The following NLRP3 variants were observed in gnomAD, a reference collection of about 807,000 sequenced individuals.
NLRP3 encodes the protein NLR family pyrin domain containing 3.
A neutral mutation model predicts 91.3 loss-of-function variants in NLRP3; 48 were observed. That is an observed-to-expected ratio of 0.53 (90% CI 0.42 to 0.67). The LOEUF (loss-of-function observed/expected upper bound fraction) is 0.67. Ranked by LOEUF, NLRP3 falls within the 30% of genes least tolerant of loss-of-function variation. The pLI, the probability that NLRP3 is intolerant of heterozygous loss-of-function variation, is 0.00. For synonymous variants in NLRP3, 561 were observed against 507.9 expected (o/e 1.10, Z -1.41); for missense variants, 982 against 1,276.9 (o/e 0.77, Z 3.52).
rs1203102017 is a variant in NLRP3, at chr1:247,418,169, C to T, written c.-632C>T. ...AAGATGGCATCGTGAAGTGGTTGTT[C>T]ACCGTAAACTGTAATACAATCCTGT... On this transcript the variant is annotated 5_prime_UTR_variant, in exon 2 of 10. Coordinates refer to ENST00000336119, the MANE Select transcript of NLRP3 (RefSeq NM_001243133.2). 6.5e-6 allele frequency: 1 copy of T among 154,442 alleles called. No homozygotes were observed. The highest frequency in any genetic ancestry group is 1.9e-4 in the East Asian group (1 of 5,378). 9.6% of individuals were successfully genotyped at this position (154,442 alleles called of 1,614,324 possible). A position where few individuals can be genotyped will look rare whatever the true frequency, so the allele number is the denominator to read the frequency against.
In NLRP3 at chr1:247,444,179, T is replaced by C. The variant is rs1664438506; in HGVS notation, c.2834+37T>C. 2.5e-6 allele frequency: 4 copies of C among 1,611,032 alleles called. No homozygotes were observed. The highest frequency in any genetic ancestry group is 3.4e-6 in the Non-Finnish European group (4 of 1,177,160). On this transcript the variant is annotated intron_variant, in intron 8 of 9. Transcript: ENST00000336119. ...GGTTTATTACAGCAATGAGAACACATGGTGGCCAAGGGTGGAGGGACGTTT... is the reference window on the plus strand; with the variant it reads ...GGTTTATTACAGCAATGAGAACACACGGTGGCCAAGGGTGGAGGGACGTTT...
At chr1:247,446,757 T>A (rs1664612989) in intron 9 of NLRP3, among the ~76,000 whole-genome samples, 1 of 152,248 alleles carries the variant, frequency 6.6e-6, no homozygotes, top group African/African-American at 2.4e-5. Context: ...TTATTTATTA[T>A]CTATCTCTGC....
rs199475735 is a variant in NLRP3 at position 247,435,963 on chromosome 1, A to G, written c.2493-7A>G. On this transcript the variant is annotated splice_region_variant and splice_polypyrimidine_tract_variant and intron_variant, in intron 6 of 9. Transcript: ENST00000336119. ...ACATGACTGACATTCTGCCATCTCT[A>G]TGGAAGGTTGGTCAGCTGCTGCCTC... The G allele has an allele frequency of 7.4e-6, 12 of 1,613,530 alleles. No individual in the cohort carries two copies. Among genetic ancestry groups the G allele is most frequent in the Admixed American group, 3.3e-5 (2 of 59,998 alleles).
intron 1 of NLRP3, among the ~76,000 whole-genome samples, chr1:247,416,447 A>G (rs72553860): frequency 0.21 from 32,041 of 152,124 alleles, 3,657 homozygotes; most frequent in East Asian, 0.3. Context: ...TACACCCACG[A>G]CTTCAGCAGA....
intron 7 of NLRP3, among the ~76,000 whole-genome samples, chr1:247,442,104 C>T (rs1416672396): frequency 6.6e-6 from 1 of 152,222 alleles, no homozygotes; most frequent in Non-Finnish European, 1.5e-5. Context: ...CCACTCAAAA[C>T]TTGCTTTGTT....
At chr1:247,443,244 T>A (rs2103227495) in intron 7 of NLRP3, among the ~76,000 whole-genome samples, 1 of 152,220 alleles carries the variant, frequency 6.6e-6, no homozygotes, top group Non-Finnish European at 1.5e-5. Flanking sequence ...TTTATTTATT[T>A]ATTTAGGCAG....
At chr1:247,434,575 T>A (rs952011119) in intron 6 of NLRP3, among the ~76,000 whole-genome samples, 6 of 151,862 alleles carry the variant, frequency 4.0e-5, no homozygotes, top group Non-Finnish European at 7.4e-5. Context: ...TTTAGAGGAG[T>A]TTTAGAACTT....
chr1:247,433,210 AAAAAGAAAAGAAAAG>A (rs1027398308), intron 5 of NLRP3, among the ~76,000 whole-genome samples: 1 of 151,846 alleles, frequency 6.6e-6, no homozygotes, highest in Non-Finnish European at 1.5e-5. Flanking sequence ...CTGTCTTTAA[AAAAAGAAAAGAAAAG>A]AAAAGAAAAA....
intron 5 of NLRP3, among the ~76,000 whole-genome samples, chr1:247,430,373 A>T (rs771243254): frequency 1.3e-5 from 2 of 152,180 alleles, no homozygotes; most frequent in Non-Finnish European, 2.9e-5. Flanking sequence ...TGGGGGGAAG[A>T]GTGGCCTAGT....
chr1:247,446,542 T>C (rs187586779), intron 9 of NLRP3, among the ~76,000 whole-genome samples: 35 of 152,300 alleles, frequency 2.3e-4, no homozygotes, highest in African/African-American at 8.2e-4. Context: ...CTCTGGATTT[T>C]TGCACTTGCT....
chr1:247,438,378 G>GTTTT lies in NLRP3; in HGVS notation c.2663+2258_2663+2261dup, dbSNP rs74163772. On this transcript the variant is annotated intron_variant, in intron 7 of 9. Coordinates refer to ENST00000336119, the MANE Select transcript of NLRP3 (RefSeq NM_001243133.2). ...GGGATTTCACGACTGGTTTAGTTGTGTTTTTTTTTTTTTTTTTTTTTTTGA... is the reference window on the plus strand; with the variant it reads ...GGGATTTCACGACTGGTTTAGTTGTGTTTTTTTTTTTTTTTTTTTTTTTTTTTGA... Among the ~76,000 whole-genome samples the GTTTT allele has an allele frequency of 2.1e-3, 148 of 71,870 alleles. 1 individual carries two copies. Among genetic ancestry groups the GTTTT allele is most frequent in the African/African-American group, 4.0e-3 (76 of 18,880 alleles). 47.1% of individuals were successfully genotyped at this position (71,870 alleles called of 152,430 possible).
In NLRP3 at chr1:247,429,763, C is replaced by T. The variant is rs1321767996; in HGVS notation, c.2321+8C>T. 6.2e-7 allele frequency: 1 copy of T among 1,613,124 alleles called. No homozygotes were observed. The highest frequency in any genetic ancestry group is 8.5e-7 in the Non-Finnish European group (1 of 1,179,912). ...TAACATTCGGAGATTGTGGTGAGTC[C>T]CCGTGCATGTGATCTGTGTGAGTGC... On this transcript the variant is annotated splice_region_variant and intron_variant, in intron 5 of 9. Coordinates refer to ENST00000336119, the MANE Select transcript of NLRP3 (RefSeq NM_001243133.2).
At chr1:247,428,247 C>T (rs1480677945) in intron 4 of NLRP3, among the ~76,000 whole-genome samples, 3 of 151,740 alleles carry the variant, frequency 2.0e-5, no homozygotes, top group African/African-American at 7.3e-5. Context: ...TGGCACCTGC[C>T]TTACTCTGAG....
In NLRP3 at chr1:247,424,863, G is replaced by A; in HGVS notation, c.1414G>A (p.Ala472Thr). 2 of 1,608,540 alleles carry A rather than the reference G, an allele frequency of 1.2e-6. No homozygotes were observed. The highest frequency in any genetic ancestry group is 1.6e-4 in the Middle Eastern group (1 of 6,062). The change falls in exon 4 of 10, where the codon GCA becomes ACA. Residue 472 changes from alanine to threonine, a missense_variant. By Grantham distance (58) the Ala-to-Thr change is moderately conservative. Coordinates refer to ENST00000336119, the MANE Select transcript of NLRP3 (RefSeq NM_001243133.2). The surrounding 1 kb of genome is among the most constrained non-coding windows in gnomAD (Gnocchi z 8.1). The stretch of plus-strand genomic sequence containing the variant: ...CCTCTGGGGGCTCTGCTCTTTGGCT[G>A]CAGATGGAATCTGGAACCAGAAAAT... ...AHLWGLCSLA[A>T]DGIWNQKILF... is the part of the protein sequence containing the mutation.
At position 247,444,693 on chromosome 1, in the gene NLRP3, T is replaced by C; in HGVS notation, c.2877T>C (p.Leu959=). 6.2e-7 allele frequency: 1 copy of C among 1,614,094 alleles called. No homozygotes were observed. The highest frequency in any genetic ancestry group is 8.5e-7 in the Non-Finnish European group (1 of 1,180,018). Residue 959 remains leucine (L), a synonymous_variant, in exon 9 of 10, where the codon CTT becomes CTC. Coordinates refer to ENST00000336119, the MANE Select transcript of NLRP3 (RefSeq NM_001243133.2). ...TCACGTCACACTGCTGCTGGGATCT[T>C]TCCACACTTCTGACCTCCAGCCAGA... ...CNLTSHCCWD[L]STLLTSSQSL...
intron 6 of NLRP3, among the ~76,000 whole-genome samples, chr1:247,434,709 A>T (rs1055476542): frequency 6.6e-6 from 1 of 152,154 alleles, no homozygotes; most frequent in Non-Finnish European, 1.5e-5. Flanking sequence ...AAGGAGAGAA[A>T]AAACCACTTA....
In NLRP3 at chr1:247,424,725, A is replaced by G. The variant is rs201979836; in HGVS notation, c.1276A>G (p.Ser426Gly). Residue 426 changes from serine (S) to glycine (G), a missense_variant, in exon 4 of 10, where the codon AGT becomes GGT. This residue lies in a region of NLRP3 where 548 missense variants were observed against 713.7 expected (regional missense o/e 0.77). Coordinates refer to ENST00000336119, the MANE Select transcript of NLRP3 (RefSeq NM_001243133.2). This position sits in a 1 kb window ranked among gnomAD's most constrained non-coding sequence, Gnocchi z 8.1. The part of the protein sequence containing the change: ...VCTGLKQQME[S>G]GKSLAQTSKT... ...CACTGGACTGAAACAGCAGATGGAG[A>G]GTGGCAAGAGCCTTGCCCAGACATC... 3.7e-6 allele frequency: 6 copies of G among 1,613,978 alleles called. No individual in the cohort carries two copies. The African/African-American group carries it at 4.0e-5, about 11-fold the overall frequency.
At position 247,423,967 on chromosome 1, in the gene NLRP3, AG is replaced by A; in HGVS notation, c.520del (p.Glu174SerfsTer25). 1 of 1,614,000 alleles carries A rather than the reference AG, an allele frequency of 6.2e-7. No individual in the cohort carries two copies. Among genetic ancestry groups the A allele is most frequent in the Non-Finnish European group, 8.5e-7 (1 of 1,179,984 alleles). ...NKRYTRLRLI[K>X]EHRSQQEREQ... is the part of the protein sequence containing the mutation. ...CGCTACACACGACTGCGTCTCATCA[AG>A]GAGCACCGGAGCCAGCAGGAGAGGG... On this transcript the variant is annotated frameshift_variant, in exon 4 of 10. Transcript: ENST00000336119. LOFTEE classifies it high-confidence loss of function.
intron 9 of NLRP3, among the ~76,000 whole-genome samples, chr1:247,446,037 C>A (rs1409355362): frequency 1.3e-5 from 2 of 152,212 alleles, no homozygotes; most frequent in East Asian, 3.9e-4. Context: ...TCTCTTCTAC[C>A]CGAAACCTGA....
Sources: allele counts gnomAD v4.1 joint callset (sites outside exome capture counted in the v4.1 genomes callset), GRCh38; gene constraint gnomAD v4.1.1; regional missense constraint gnomAD v4.1.1; non-coding constraint Gnocchi (gnomAD v3.1); transcripts MANE v1.5; gene names NCBI Gene and HGNC (gene_info 2026-07-23, HGNC 2026-07-21).